Variants in PITPNB observed in about 807,000 individuals in gnomAD.
PITPNB encodes phosphatidylinositol transfer protein beta isoform.
In PITPNB, 16 loss-of-function variants were observed where a neutral mutation model predicts 45.9. The observed-to-expected ratio is 0.35, with a 90% CI of 0.24 to 0.53. PITPNB has a LOEUF of 0.53. PITPNB is among the 20% of genes least tolerant of loss of function. The pLI, the probability that PITPNB is intolerant of heterozygous loss-of-function variation, is 0.93. For missense variants in PITPNB, 188 were observed against 330.5 expected, an observed-to-expected ratio of 0.57 and a Z score of 3.34; for synonymous variants, 112 against 108.9, an observed-to-expected ratio of 1.03 and a Z score of -0.18.
intron 2 of PITPNB, among the ~76,000 whole-genome samples, chr22:27,912,139 T>C (rs1189937103): frequency 6.6e-6 from 1 of 152,214 alleles, no homozygotes; most frequent in African/African-American, 2.4e-5. Flanking sequence ...GAACTTGTAA[T>C]TTCAAAATTA....
At chr22:27,892,879 G>A (rs1480035339) in intron 7 of PITPNB, among the ~76,000 whole-genome samples, 3 of 152,168 alleles carry the variant, frequency 2.0e-5, no homozygotes, top group Non-Finnish European at 4.4e-5. Flanking sequence ...AGCAGAGTTG[G>A]CCCAGCCTGG....
chr22:27,891,733 T>C (rs1935285979), intron 7 of PITPNB, among the ~76,000 whole-genome samples: 1 of 152,190 alleles, frequency 6.6e-6, no homozygotes, highest in Non-Finnish European at 1.5e-5. Context: ...CCTTCCACCA[T>C]GACTGTAAGT....
In PITPNB at chr22:27,860,213, G is replaced by A. The variant is rs1934284612; in HGVS notation, c.563C>T (p.Pro188Leu). 2 of 1,613,048 alleles carry A rather than the reference G, an allele frequency of 1.2e-6. No homozygotes were observed. Among genetic ancestry groups the A allele is most frequent in the African/African-American group, 1.3e-5 (1 of 74,970 alleles). The change falls in exon 9 of 12, where the codon CCC (proline) becomes CTC (leucine). Residue 188 changes from proline (P) to leucine (L), a missense_variant. Physicochemically the swap from Pro to Leu is moderately conservative, Grantham distance 98. Transcript: ENST00000335272. ...CACCAGCTTATAGGCACACATCTGG[G>A]GACAGTCAGGGCTGTTTGCCAGCTC... ...KKELANSPDC[P>L]QMCAYKLVTI...
chr22:27,888,529 C>T (rs1297064363), intron 7 of PITPNB, among the ~76,000 whole-genome samples: 1 of 152,162 alleles, frequency 6.6e-6, no homozygotes, highest in Non-Finnish European at 1.5e-5. Context: ...ACTCTTGGCT[C>T]ATAGTGTTTA....
Position 27,853,468 on chromosome 22 carries a change from C to T in PITPNB, c.*234G>A, listed in dbSNP as rs1383926891. 2.9e-5 allele frequency: 19 copies of T among 645,998 alleles called. No individual in the cohort carries two copies. Among genetic ancestry groups the T allele is most frequent in the Middle Eastern group, 2.6e-4 (1 of 3,810 alleles). 40.0% of individuals were successfully genotyped at this position (645,998 alleles called of 1,614,324 possible). On this transcript the variant is annotated 3_prime_UTR_variant, in exon 12 of 12. Coordinates refer to ENST00000335272, the MANE Select transcript of PITPNB (RefSeq NM_012399.5). ...CAAGTGTGTGTATCTGGATCTGTAGCTCTACATGCGCTTTATATACAGCTA... is the reference window on the plus strand; with the variant it reads ...CAAGTGTGTGTATCTGGATCTGTAGTTCTACATGCGCTTTATATACAGCTA...
chr22:27,874,079 C>T (rs1197033734), intron 7 of PITPNB, among the ~76,000 whole-genome samples: 1 of 152,240 alleles, frequency 6.6e-6, no homozygotes, highest in Non-Finnish European at 1.5e-5. Flanking sequence ...TGACTGGTTA[C>T]TGGACAGCTG....
At chr22:27,903,576 A>C (rs1182716657) in intron 3 of PITPNB, among the ~76,000 whole-genome samples, 1 of 151,608 alleles carries the variant, frequency 6.6e-6, no homozygotes. Context: ...CAGGAGTTGG[A>C]GACCAGCCTG....
chr22:27,870,902 A>G (rs1413178594), intron 8 of PITPNB, among the ~76,000 whole-genome samples: 1 of 152,280 alleles, frequency 6.6e-6, no homozygotes. Context: ...CTGAGATCAC[A>G]GTAATTCACA....
At chr22:27,910,712 T>C (rs1935895716) in intron 3 of PITPNB, 1 of 361,584 alleles carries the variant, frequency 2.8e-6, no homozygotes, top group Non-Finnish European at 5.0e-6. Context: ...GCTTCTAGTG[T>C]TTCTCTCTGT....
rs531603937 is a variant in PITPNB at position 27,873,753 on chromosome 22, C to T, written c.519G>A (p.Leu173=). 2.9e-4 allele frequency: 463 copies of T among 1,610,624 alleles called. 6 individuals are homozygous for T. In the South Asian group the frequency reaches 4.8e-3, roughly 17 times the overall value. Residue 173 remains leucine (L), a synonymous_variant, in exon 8 of 12, where the codon TTG becomes TTA. Transcript: ENST00000335272. ...CATCCAGTACCTTCCAGTTGGGTCC[C>T]AAAGGGCCTCTCTTGGTCTTGACTG... The part of the protein sequence containing the change: ...FQSVKTKRGP[L]GPNWKKELAN...
chr22:27,895,546 C>G (rs1360615099), intron 6 of PITPNB, among the ~76,000 whole-genome samples: 1 of 151,238 alleles, frequency 6.6e-6, no homozygotes, highest in Non-Finnish European at 1.5e-5. Flanking sequence ...GCAGACAGCA[C>G]GTGATTGCAC....
intron 3 of PITPNB, among the ~76,000 whole-genome samples, chr22:27,902,440 G>C (rs547841448): frequency 6.6e-6 from 1 of 152,232 alleles, no homozygotes; most frequent in South Asian, 2.1e-4. Context: ...TTTAAAAAGG[G>C]GAATGGCACA....
chr22:27,858,273 T>A, intron 10 of PITPNB, 114 bp downstream of exon 10: 2 of 792,014 alleles, frequency 2.5e-6, no homozygotes, highest in Non-Finnish European at 4.0e-6. Flanking sequence ...ATAAGTAGAA[T>A]AGGGAATGAT....
chr22:27,889,614 T>C (rs1935216658), intron 7 of PITPNB, among the ~76,000 whole-genome samples: 1 of 152,206 alleles, frequency 6.6e-6, no homozygotes, highest in Non-Finnish European at 1.5e-5. Flanking sequence ...TCATCTGTTC[T>C]CTTCTCTGAA....
At chr22:27,919,100 A>G (rs1456730786) in intron 1 of PITPNB, 72 bp downstream of exon 1, 1 of 1,611,500 alleles carries the variant, frequency 6.2e-7, no homozygotes, top group Non-Finnish European at 8.5e-7. Context: ...GGAATATCCT[A>G]CCACTTCTCC....
intron 5 of PITPNB, chr22:27,896,904 G>A (rs999426552): frequency 8.1e-6 from 5 of 613,944 alleles, no homozygotes; most frequent in Non-Finnish European, 1.2e-5. Context: ...GGCGTTTGAA[G>A]GGAGTAACAA....
chr22:27,863,518 C>G (rs1328693031), intron 8 of PITPNB, among the ~76,000 whole-genome samples: 1 of 152,158 alleles, frequency 6.6e-6, no homozygotes, highest in East Asian at 1.9e-4. Context: ...GACTGAGTAC[C>G]CCACCAAACT....
chr22:27,876,343 TGAA>T (rs1934819299), intron 7 of PITPNB, among the ~76,000 whole-genome samples: 4 of 152,244 alleles, frequency 2.6e-5, no homozygotes, highest in Non-Finnish European at 5.9e-5. Flanking sequence ...TATGTATGTA[TGAA>T]ATGAAGTCTT....
intron 7 of PITPNB, among the ~76,000 whole-genome samples, chr22:27,888,767 T>C (rs1355330468): frequency 1.3e-5 from 2 of 152,186 alleles, no homozygotes; most frequent in African/African-American, 2.4e-5. Context: ...ATGTCAACTT[T>C]GGACAGAGAA....
Sources: allele counts gnomAD v4.1 joint callset (sites outside exome capture counted in the v4.1 genomes callset), GRCh38; gene constraint gnomAD v4.1.1; transcripts MANE v1.5; gene names NCBI Gene and HGNC (gene_info 2026-07-23, HGNC 2026-07-21).